Variants in PDE4D observed in about 807,000 individuals in gnomAD.
PDE4D encodes the protein 3',5'-cyclic-AMP phosphodiesterase 4D.
In PDE4D, 24 loss-of-function variants were observed where a neutral mutation model predicts 87.4. That is an observed-to-expected ratio of 0.27 (90% CI 0.20 to 0.39). The LOEUF (loss-of-function observed/expected upper bound fraction) is 0.39, where lower values mean the gene tolerates loss of function less well. PDE4D is among the 10% of genes least tolerant of loss of function. The pLI is 1.00. For missense variants in PDE4D, 714 were observed against 1,041.0 expected (o/e 0.69, Z 4.32); for synonymous variants, 384 against 383.2 (o/e 1.00, Z -0.02).
intron 1 of PDE4D, among the ~76,000 whole-genome samples, chr5:59,559,516 C>T (rs1583119558): frequency 6.6e-6 from 1 of 152,154 alleles, no homozygotes; most frequent in African/African-American, 2.4e-5. Flanking sequence ...AGCCCCTAAG[C>T]CTCCAGTGGC....
At chr5:60,469,544 T>C (rs1456944307) in intron 1 of PDE4D, among the ~76,000 whole-genome samples, 2 of 152,220 alleles carry the variant, frequency 1.3e-5, no homozygotes. Flanking sequence ...CTGTGTTTTG[T>C]TACACATCAC....
intron 1 of PDE4D, among the ~76,000 whole-genome samples, chr5:60,387,210 G>C (rs1184639049): frequency 6.6e-6 from 1 of 152,238 alleles, no homozygotes; most frequent in African/African-American, 2.4e-5. Flanking sequence ...CTGCTCATAA[G>C]TCAGGTCTGC....
At chr5:59,272,147 A>T (rs1444256329) in intron 1 of PDE4D, among the ~76,000 whole-genome samples, 1 of 152,072 alleles carries the variant, frequency 6.6e-6, no homozygotes, top group African/African-American at 2.4e-5. Context: ...AGATTACATA[A>T]TGAATGATCT....
intron 1 of PDE4D, among the ~76,000 whole-genome samples, chr5:59,435,230 A>T (rs185800316): frequency 1.3e-5 from 2 of 152,128 alleles, no homozygotes; most frequent in African/African-American, 4.8e-5. Flanking sequence ...ATCTTAGCAA[A>T]CTCATGCAAG....
At chr5:59,609,377 T>TACACACACACACACACACACACACAC (rs61116888) in intron 1 of PDE4D, among the ~76,000 whole-genome samples, 7 of 147,582 alleles carry the variant, frequency 4.7e-5, no homozygotes, top group African/African-American at 1.8e-4. Flanking sequence ...TTTGTATATG[T>TACACACACACACACACACACACACAC]ACACACACAC....
intron 1 of PDE4D, among the ~76,000 whole-genome samples, chr5:60,515,621 T>TTTG (rs1274125692): frequency 8.6e-5 from 12 of 139,270 alleles, no homozygotes; most frequent in African/African-American, 3.5e-4. Flanking sequence ...TTTTTTTTTC[T>TTTG]GTCAGGATGA....
At chr5:59,519,363 G>A (rs1258409325) in intron 1 of PDE4D, among the ~76,000 whole-genome samples, 2 of 152,192 alleles carry the variant, frequency 1.3e-5, no homozygotes, top group African/African-American at 4.8e-5. Context: ...GGAAGAAAAA[G>A]CATGAATAGG....
chr5:58,988,631 C>T (rs758280533), intron 10 of PDE4D, 39 bp from the exon 11 acceptor site: 2 of 842,916 alleles, frequency 2.4e-6, no homozygotes, highest in East Asian at 2.8e-5. Context: ...TACTATTCTA[C>T]AATGATATGA....
intron 1 of PDE4D, among the ~76,000 whole-genome samples, chr5:59,771,499 G>GAAAGAAAGAAAGAAAAGAAAGAAAGA: frequency 1.0e-4 from 2 of 19,730 alleles, no homozygotes; most frequent in East Asian, 3.9e-3. Flanking sequence ...GAGAGAGAGA[G>GAAAGAAAGAAAGAAAAGAAAGAAAGA]AAGAAAGAAA....
At chr5:59,682,923 T>A (rs1399225124) in intron 1 of PDE4D, among the ~76,000 whole-genome samples, 1 of 152,216 alleles carries the variant, frequency 6.6e-6, no homozygotes, top group Non-Finnish European at 1.5e-5. Context: ...ACTCAGAAAC[T>A]GCTCCAGTTT....
intron 1 of PDE4D, among the ~76,000 whole-genome samples, chr5:59,328,266 A>T (rs1483305967): frequency 2.6e-5 from 4 of 152,106 alleles, no homozygotes; most frequent in Non-Finnish European, 5.9e-5. Context: ...TGTGTACTGC[A>T]GTTTTCACAT....
chr5:59,344,043 T>C lies in PDE4D; in HGVS notation c.456-128075A>G, dbSNP rs145408898. ...AAGAAATTACATTTTGCGTGGTGGA[T>C]TACACAGTACATAGCACATAAATGA... On this transcript the variant is annotated intron_variant, in intron 1 of 14. Coordinates refer to ENST00000340635, the MANE Select transcript of PDE4D (RefSeq NM_001104631.2). Among the ~76,000 whole-genome samples the C allele has an allele frequency of 1.2e-3, 181 of 152,248 alleles. 4 individuals carry two copies. The East Asian group carries it at 0.032, about 27-fold the overall frequency.
intron 3 of PDE4D, among the ~76,000 whole-genome samples, chr5:59,187,850 T>C (rs1743282886): frequency 6.6e-6 from 1 of 152,146 alleles, no homozygotes; most frequent in Admixed American, 6.5e-5. Flanking sequence ...TTCTACAGTA[T>C]GACATGTATG....
intron 2 of PDE4D, among the ~76,000 whole-genome samples, chr5:60,150,506 T>C (rs572285783): frequency 6.6e-6 from 1 of 152,240 alleles, no homozygotes; most frequent in Admixed American, 6.5e-5. Flanking sequence ...GATAAATAGG[T>C]AATTTTTGTG....
At chr5:59,894,430 A>G (rs934913810), upstream of PDE4D, among the ~76,000 whole-genome samples, 1 of 152,118 alleles carries the variant, frequency 6.6e-6, no homozygotes, top group East Asian at 1.9e-4. Context: ...AGTAAGATTA[A>G]TTCAGTCTCT....
At chr5:59,762,818 C>A (rs1762296698) in intron 1 of PDE4D, among the ~76,000 whole-genome samples, 1 of 127,608 alleles carries the variant, frequency 7.8e-6, no homozygotes, top group African/African-American at 2.9e-5. Flanking sequence ...AACTCTATTC[C>A]TATACTACGT....
At chr5:60,170,926 G>A (rs1167397793) in intron 2 of PDE4D, among the ~76,000 whole-genome samples, 2 of 152,000 alleles carry the variant, frequency 1.3e-5, no homozygotes, top group African/African-American at 4.8e-5. Context: ...TCTGTCAGAT[G>A]AAAAGCATAA....
At chr5:60,122,717 A>G (rs1371716863) in intron 2 of PDE4D, among the ~76,000 whole-genome samples, 2 of 152,198 alleles carry the variant, frequency 1.3e-5, no homozygotes, top group African/African-American at 2.4e-5. Context: ...CATTTTCCTC[A>G]TCGTCTTGAA....
intron 3 of PDE4D, among the ~76,000 whole-genome samples, chr5:59,903,096 T>C (rs1034060462): frequency 1.3e-5 from 2 of 152,110 alleles, no homozygotes; most frequent in African/African-American, 2.4e-5. Context: ...ACACATATAT[T>C]CCTAAATATC....
Sources: gnomAD v4.1 joint callset for allele counts (sites outside exome capture counted in the v4.1 genomes callset) on GRCh38, gnomAD v4.1.1 for gene constraint, MANE v1.5 for transcripts, NCBI Gene and HGNC (gene_info 2026-07-23, HGNC 2026-07-21) for gene names.